Variants in NPFFR2 observed in about 807,000 individuals in gnomAD.
The protein encoded by NPFFR2 is neuropeptide FF receptor 2, also known as G-protein coupled receptor 74.
Under a neutral mutation model 13.1 loss-of-function variants are expected in NPFFR2, and 15 were observed. The ratio of observed to expected loss-of-function variants is 1.15; its 90% CI spans 0.77 to 1.76. NPFFR2 has a LOEUF of 1.76. Ranked by LOEUF, NPFFR2 falls within the 40% of genes most tolerant of loss-of-function variation. The probability of loss-of-function intolerance (pLI) is 0.00; values close to 1 mark genes in which losing one functional copy is unlikely to be tolerated. For missense variants in NPFFR2, 572 were observed against 503.5 expected (o/e 1.14, Z -1.30); for synonymous variants, 190 against 175.7 (o/e 1.08, Z -0.65).
chr4:72,044,087 G>A (rs948394470), intron 1 of NPFFR2, among the ~76,000 whole-genome samples: 5 of 152,134 alleles, frequency 3.3e-5, no homozygotes, highest in Admixed American at 1.3e-4. Flanking sequence ...GCTTTTCCCT[G>A]TTTTGCTTGG....
chr4:72,069,400 T>G (rs761873687), intron 1 of NPFFR2, among the ~76,000 whole-genome samples: 2 of 152,138 alleles, frequency 1.3e-5, no homozygotes, highest in Non-Finnish European at 2.9e-5. Flanking sequence ...CAGTCTTTCC[T>G]GATTAAAGTG....
rs1355938353 is a variant in NPFFR2, at chr4:72,122,258, T to C, written c.-7-6327T>C. Among the ~76,000 whole-genome samples the C allele has an allele frequency of 2.6e-5, 4 of 152,166 alleles. No individual in the cohort carries two copies. The East Asian group carries it at 7.7e-4, about 29-fold the overall frequency. On this transcript the variant is annotated intron_variant, in intron 1 of 3. Transcript: ENST00000308744. ...GAGCACCCAGATTCATAAAACAAGT[T>C]CTTAGACACCTACAAAGAGACTTAG... is the stretch of plus-strand genomic sequence containing the variant.
At chr4:72,082,820 C>G (rs1373414487) in intron 1 of NPFFR2, among the ~76,000 whole-genome samples, 1 of 152,102 alleles carries the variant, frequency 6.6e-6, no homozygotes, top group Non-Finnish European at 1.5e-5. Context: ...CCTGCCCACC[C>G]CAGCCCCCAC....
chr4:72,119,597 CT>C lies in NPFFR2; in HGVS notation c.-7-8987del, dbSNP rs200240269. 2.7e-4 allele frequency among the ~76,000 whole-genome samples: 41 copies of C among 152,192 alleles called. No homozygotes were observed. The East Asian group carries it at 7.2e-3, about 27-fold the overall frequency. On this transcript the variant is annotated intron_variant, in intron 1 of 3. Transcript: ENST00000308744. ...AGGTACCCAGTTCATCTCATTGGGA[CT>C]GGTTAGACAGTGGGTGCAGCCCACG...
chr4:72,143,056 G>A (rs898721743), intron 3 of NPFFR2, among the ~76,000 whole-genome samples: 24 of 152,164 alleles, frequency 1.6e-4, no homozygotes, highest in East Asian at 1.3e-3. Context: ...GATTCCTGGA[G>A]AAGTCAGAAA....
At chr4:72,131,098 C>T (rs1222541735) in intron 2 of NPFFR2, among the ~76,000 whole-genome samples, 1 of 151,856 alleles carries the variant, frequency 6.6e-6, no homozygotes, top group East Asian at 1.9e-4. Flanking sequence ...CCTTCTCTGC[C>T]GCACCACTCT....
In NPFFR2 at chr4:72,036,334, G is replaced by A. The variant is rs140984506; in HGVS notation, c.-8+4134G>A. ...GCTTATAATCAAAGTACCAATTTCT[G>A]TATATACTGATCCTTTCCACATGAA... On this transcript the variant is annotated intron_variant, in intron 1 of 3. Transcript: ENST00000308744. Among the ~76,000 whole-genome samples, 925 of 152,034 alleles carry A rather than the reference G, an allele frequency of 6.1e-3. 8 individuals are homozygous for A. The highest frequency in any genetic ancestry group is 0.02 in the Middle Eastern group (6 of 294).
chr4:72,147,795 A>G lies in NPFFR2; in HGVS notation c.1246A>G (p.Asn416Asp). 6.4e-7 allele frequency: 1 copy of G among 1,572,264 alleles called. No homozygotes were observed. Among genetic ancestry groups the G allele is most frequent in the Non-Finnish European group, 8.6e-7 (1 of 1,166,514 alleles). Residue 416 changes from asparagine (N) to aspartate (D), a missense_variant, in exon 4 of 4, where the codon AAC (asparagine) becomes GAC (aspartate). By Grantham distance (23) the Asn-to-Asp change is conservative. Coordinates refer to ENST00000308744, the MANE Select transcript of NPFFR2 (RefSeq NM_004885.3). ...GATGGAAGAATTAAAAGAAACTACT[A>G]ACAGCAGTGAGATTTAAAAAGAGCT... ...LVMEELKETT[N>D]SSEI
At chr4:72,053,212 G>A (rs1719641524) in intron 1 of NPFFR2, among the ~76,000 whole-genome samples, 3 of 151,786 alleles carry the variant, frequency 2.0e-5, no homozygotes, top group Admixed American at 1.3e-4. Context: ...CAAGTTATCT[G>A]TAAATAGAAA....
intron 3 of NPFFR2, among the ~76,000 whole-genome samples, chr4:72,138,419 C>G (rs1023112114): frequency 5.9e-5 from 9 of 151,562 alleles, no homozygotes; most frequent in African/African-American, 9.7e-5. Flanking sequence ...CCTGCCCCCC[C>G]ACCCAATGCA....
chr4:72,043,103 C>T (rs1440271915), intron 1 of NPFFR2, among the ~76,000 whole-genome samples: 2 of 152,132 alleles, frequency 1.3e-5, no homozygotes, highest in Admixed American at 6.5e-5. Context: ...ATGTACATTT[C>T]GGGCCATTGC....
chr4:72,047,127 G>A (rs1578420307), intron 1 of NPFFR2, among the ~76,000 whole-genome samples: 1 of 142,266 alleles, frequency 7.0e-6, no homozygotes, highest in Non-Finnish European at 1.6e-5. Context: ...AATAAAATAA[G>A]AAACAGAGTG....
At chr4:72,130,680 G>T (rs1423356299) in intron 2 of NPFFR2, among the ~76,000 whole-genome samples, 1 of 152,152 alleles carries the variant, frequency 6.6e-6, no homozygotes, top group African/African-American at 2.4e-5. Context: ...AGGTGAGAGG[G>T]TGCAGGAGCT....
chr4:72,141,238 GT>G (rs1292793423), intron 3 of NPFFR2, among the ~76,000 whole-genome samples: 1 of 151,408 alleles, frequency 6.6e-6, no homozygotes, highest in Non-Finnish European at 1.5e-5. Context: ...TTTTTTAAGG[GT>G]TTTTTGTGTC....
At chr4:72,060,233 T>C (rs1227054697) in intron 1 of NPFFR2, among the ~76,000 whole-genome samples, 1 of 152,114 alleles carries the variant, frequency 6.6e-6, no homozygotes, top group East Asian at 1.9e-4. Flanking sequence ...TCTCTGTGTG[T>C]CAGACGTTCT....
intron 1 of NPFFR2, among the ~76,000 whole-genome samples, chr4:72,118,456 T>C (rs914668289): frequency 6.6e-6 from 1 of 152,168 alleles, no homozygotes; most frequent in Admixed American, 6.5e-5. Context: ...GATTAAATAA[T>C]TTACTCAAAG....
At chr4:72,135,922 C>T (rs773602399) in intron 2 of NPFFR2, among the ~76,000 whole-genome samples, 33 of 151,680 alleles carry the variant, frequency 2.2e-4, no homozygotes, top group Non-Finnish European at 4.4e-4. Context: ...GGGTAATAAT[C>T]ATATTAGGGC....
intron 1 of NPFFR2, among the ~76,000 whole-genome samples, chr4:72,061,677 A>G (rs971649301): frequency 3.9e-5 from 6 of 152,184 alleles, no homozygotes; most frequent in Non-Finnish European, 8.8e-5. Context: ...GCAAACTAAC[A>G]CAGGAACAGA....
chr4:72,038,807 A>C (rs1719110850), intron 1 of NPFFR2, among the ~76,000 whole-genome samples: 1 of 151,884 alleles, frequency 6.6e-6, no homozygotes, highest in South Asian at 2.1e-4. Context: ...ATATATTTTG[A>C]AAATATATAC....
Sources: allele counts gnomAD v4.1 joint callset (sites outside exome capture counted in the v4.1 genomes callset), GRCh38; gene constraint gnomAD v4.1.1; transcripts MANE v1.5; gene names NCBI Gene and HGNC (gene_info 2026-07-23, HGNC 2026-07-21).